The following TTC9C variants were observed in gnomAD, a reference collection of about 807,000 sequenced individuals.
The protein encoded by TTC9C is tetratricopeptide repeat domain 9C.
TTC9C carries 15 observed loss-of-function variants against 22.5 expected under a neutral mutation model. The observed-to-expected ratio is 0.67, with a 90% CI of 0.45 to 1.03. TTC9C has a LOEUF of 1.03. Among genes scored for constraint, TTC9C ranks in the 50% least tolerant of loss-of-function variants. The pLI is 0.00. For synonymous variants in TTC9C, 92 were observed against 86.8 expected (o/e 1.06, Z -0.33); for missense variants, 244 against 214.6 (o/e 1.14, Z -0.86).
Position 62,728,757 on chromosome 11 carries a change from A to G in TTC9C, c.-92A>G. ...GAAGGGTAATTTCCTGCCTCCTTAAATTGGCTGCTACTGTCAGTTATTTTG... is the reference window on the plus strand; with the variant it reads ...GAAGGGTAATTTCCTGCCTCCTTAAGTTGGCTGCTACTGTCAGTTATTTTG... On this transcript the variant is annotated 5_prime_UTR_variant, in exon 1 of 3. Coordinates refer to ENST00000316461, the MANE Select transcript of TTC9C (RefSeq NM_173810.4). 1 of 1,273,362 alleles carries G rather than the reference A, an allele frequency of 7.9e-7. No homozygotes were observed. The highest frequency in any genetic ancestry group is 1.1e-6 in the Non-Finnish European group (1 of 880,694). 78.9% of individuals were successfully genotyped at this position (1,273,362 alleles called of 1,614,324 possible).
chr11:62,729,569 ATTTTTTT>A (rs1204345239), intron 1 of TTC9C, among the ~76,000 whole-genome samples: 6 of 113,602 alleles, frequency 5.3e-5, no homozygotes, highest in Admixed American at 8.9e-5. Flanking sequence ...CGCCCAGCTA[ATTTTTTT>A]TTTTTTTTTT....
At position 62,735,545 on chromosome 11, in the gene TTC9C, C is replaced by T. The variant is rs765846607; in HGVS notation, c.402C>T (p.Ala134=). Residue 134 remains alanine, a synonymous_variant, in exon 2 of 3, where the codon GCC becomes GCT. Coordinates refer to ENST00000316461, the MANE Select transcript of TTC9C (RefSeq NM_173810.4). ...YDQARHYLLA[A]VNRQPKDANV... is the part of the protein sequence containing the mutation. The stretch of plus-strand genomic sequence containing the variant: ...AGGCCCGCCACTACCTCCTGGCTGC[C>T]GTGAATAGGCAGCCTAAAGGTAAGC... 1.8e-5 allele frequency: 29 copies of T among 1,612,934 alleles called. No individual in the cohort carries two copies. Among genetic ancestry groups the T allele is most frequent in the Middle Eastern group, 1.6e-4 (1 of 6,076 alleles).
intron 1 of TTC9C, among the ~76,000 whole-genome samples, chr11:62,730,080 C>A (rs1056828708): frequency 2.0e-5 from 3 of 151,822 alleles, no homozygotes; most frequent in Admixed American, 2.0e-4. Context: ...TTTTCTTTTC[C>A]TTTTTCTTTT....
chr11:62,730,035 C>A (rs1205607035), intron 1 of TTC9C, among the ~76,000 whole-genome samples: 1 of 152,072 alleles, frequency 6.6e-6, no homozygotes, highest in Non-Finnish European at 1.5e-5. Flanking sequence ...AGTTTAGATC[C>A]CTTATATTCA....
In TTC9C at chr11:62,737,803, C is replaced by T. The variant is rs551148622; in HGVS notation, c.422-485C>T. ...ATCCCAGCACTTTGGGAGGCCAAGG[C>T]GGGTGGATCACGAGGTCAGGAGTTC... is the stretch of plus-strand genomic sequence containing the variant. On this transcript the variant is annotated intron_variant, in intron 2 of 2. Transcript: ENST00000316461. Among the ~76,000 whole-genome samples the T allele has an allele frequency of 7.2e-5, 11 of 152,156 alleles. No individual in the cohort carries two copies. In the East Asian group the frequency reaches 1.7e-3, roughly 24 times the overall value.
chr11:62,738,456 C>T lies in TTC9C; in HGVS notation c.*74C>T, dbSNP rs2083937944. On this transcript the variant is annotated 3_prime_UTR_variant, in exon 3 of 3. Transcript: ENST00000316461. The stretch of plus-strand genomic sequence containing the variant: ...ATGCATGAAGGAGAAATCTGAGCCT[C>T]AGCAAGAGAAATTAACCCTATACCT... 2 of 1,104,666 alleles carry T rather than the reference C, an allele frequency of 1.8e-6. No individual in the cohort carries two copies. Among genetic ancestry groups the T allele is most frequent in the Non-Finnish European group, 2.7e-6 (2 of 745,648 alleles). The allele number at this position is 1,104,666 out of a possible 1,614,324, so 68.4% of individuals were successfully genotyped here.
At position 62,736,819 on chromosome 11, in the gene TTC9C, A is replaced by C. The variant is rs1457664945; in HGVS notation, c.421+1255A>C. 2.0e-5 allele frequency among the ~76,000 whole-genome samples: 3 copies of C among 149,986 alleles called. No individual in the cohort carries two copies. In the East Asian group the frequency reaches 5.9e-4, roughly 29 times the overall value. On this transcript the variant is annotated intron_variant, in intron 2 of 2. Transcript: ENST00000316461. ...TTTCGGTGAGCTGAGATTGTGTCGC[A>C]CTCTAGCCTGGGCGACAGAGCCAGA...
chr11:62,732,291 A>G (rs930270918), intron 1 of TTC9C, among the ~76,000 whole-genome samples: 6 of 151,940 alleles, frequency 3.9e-5, no homozygotes, highest in African/African-American at 1.4e-4. Flanking sequence ...CACTGCGTCC[A>G]GCCTCTTAAA....
intron 1 of TTC9C, among the ~76,000 whole-genome samples, chr11:62,731,376 T>C (rs570850147): frequency 2.0e-5 from 3 of 152,198 alleles, no homozygotes; most frequent in African/African-American, 7.2e-5. Flanking sequence ...TCCCAACACC[T>C]TGGTAGGCCG....
chr11:62,733,253 C>A, intron 1 of TTC9C: 5 of 951,186 alleles, frequency 5.3e-6, no homozygotes, highest in South Asian at 1.8e-5. Flanking sequence ...AAGTTATATG[C>A]TGTATTGTTA....
In TTC9C at chr11:62,728,594, T is replaced by C. The variant is rs1326452281; in HGVS notation, c.-255T>C. The C allele has an allele frequency of 4.2e-5, 26 of 613,196 alleles. No homozygotes were observed. The highest frequency in any genetic ancestry group is 3.8e-4 in the East Asian group (11 of 28,850). 38.0% of individuals were successfully genotyped at this position (613,196 alleles called of 1,614,324 possible). ...ATCGCCTCTTTAGGAAGTCACTTAA[T>C]GTTGGGCTTCATTATTCCCACATCC... On this transcript the variant is annotated 5_prime_UTR_variant, in exon 1 of 3. An upstream start codon of the reference 5' UTR is lost. Transcript: ENST00000316461.
intron 2 of TTC9C, among the ~76,000 whole-genome samples, chr11:62,736,561 G>A (rs1460443427): frequency 6.6e-6 from 1 of 151,930 alleles, no homozygotes; most frequent in African/African-American, 2.4e-5. Context: ...GGACGTGGTG[G>A]TGAGGGCCTG....
chr11:62,738,266 T>G (rs751511090), intron 2 of TTC9C, 22 bp from the exon 3 acceptor site: 1 of 1,527,244 alleles, frequency 6.5e-7, no homozygotes, highest in East Asian at 2.3e-5. Context: ...TGTTTCTAAT[T>G]GCTTCTCCAT....
chr11:62,729,149 A>T (rs1819415603), intron 1 of TTC9C, 63 bp downstream of exon 1: 12 of 1,424,618 alleles, frequency 8.4e-6, no homozygotes, highest in African/African-American at 2.9e-5. Context: ...ATCTGTGAAC[A>T]TTGGGGGAAA....
Position 62,732,578 on chromosome 11 carries a change from C to G in TTC9C, c.239-2804C>G, listed in dbSNP as rs140032037. 6.3e-3 allele frequency among the ~76,000 whole-genome samples: 930 copies of G among 148,182 alleles called. 31 individuals are homozygous for G. The highest frequency in any genetic ancestry group is 0.048 in the Admixed American group (696 of 14,624). On this transcript the variant is annotated intron_variant, in intron 1 of 2. Transcript: ENST00000316461. The stretch of plus-strand genomic sequence containing the variant: ...TGAACCAAGATCGCGCCATTGCACA[C>G]TCCAGCCTGGGCAACAAGAGCAAAA...
chr11:62,734,135 C>G (rs2083883765), intron 1 of TTC9C, among the ~76,000 whole-genome samples: 1 of 150,838 alleles, frequency 6.6e-6, no homozygotes, highest in Non-Finnish European at 1.5e-5. Flanking sequence ...CCCATCTCTA[C>G]AAAAATACAA....
At chr11:62,731,886 C>G (rs1332385191) in intron 1 of TTC9C, among the ~76,000 whole-genome samples, 1 of 149,598 alleles carries the variant, frequency 6.7e-6, no homozygotes, top group African/African-American at 2.5e-5. Context: ...GGGGTCTCAC[C>G]TTGTTAGCCA....
chr11:62,728,468 A>G, upstream of TTC9C: 1 of 469,464 alleles, frequency 2.1e-6, no homozygotes, highest in South Asian at 1.5e-5. Context: ...GGGCGGGTCC[A>G]ATAGAAAGGC....
intron 1 of TTC9C, among the ~76,000 whole-genome samples, chr11:62,731,054 A>G (rs780265556): frequency 1.3e-5 from 2 of 149,940 alleles, no homozygotes; most frequent in African/African-American, 2.5e-5. Context: ...ATGCCTGGCT[A>G]ATTTTGGTAT....
Sources: gnomAD v4.1 joint callset for allele counts (sites outside exome capture counted in the v4.1 genomes callset) on GRCh38, gnomAD v4.1.1 for gene constraint, MANE v1.5 for transcripts, NCBI Gene and HGNC (gene_info 2026-07-23, HGNC 2026-07-21) for gene names.